The following AK6 variants were observed in gnomAD, a reference collection of about 807,000 sequenced individuals.
AK6 encodes the protein adenylate kinase isoenzyme 6.
In AK6, 24 loss-of-function variants were observed where a neutral mutation model predicts 23.7. The observed-to-expected ratio is 1.01, with a 90% CI of 0.73 to 1.43. AK6 has a LOEUF of 1.43. AK6 is among the 40% of genes most tolerant of loss of function. AK6 has a pLI of 0.00. For synonymous variants in AK6, 73 were observed against 69.8 expected (o/e 1.05, Z -0.23); for missense variants, 191 against 199.1 (o/e 0.96, Z 0.24).
intron 2 of AK6, among the ~76,000 whole-genome samples, chr5:69,360,547 A>T (rs534894786): frequency 6.6e-6 from 1 of 152,326 alleles, no homozygotes; most frequent in South Asian, 2.1e-4. Context: ...CATCAGCACA[A>T]GGGAGTGAAT....
At chr5:69,358,672 G>T (rs191127134) in intron 2 of AK6, among the ~76,000 whole-genome samples, 1 of 152,098 alleles carries the variant, frequency 6.6e-6, no homozygotes, top group African/African-American at 2.4e-5. Context: ...GGTAAGTGAT[G>T]ATTGTAGCCT....
chr5:69,366,669 CCTTTT>C (rs1215486287), intron 1 of AK6, 74 bp from the exon 2 acceptor site: 12 of 1,124,112 alleles, frequency 1.1e-5, no homozygotes, highest in South Asian at 3.7e-5. Context: ...TTCTGCCTTT[CCTTTT>C]ATTTTTGAGA....
intron 2 of AK6, among the ~76,000 whole-genome samples, chr5:69,358,701 G>T (rs1336961817): frequency 6.6e-6 from 1 of 151,768 alleles, no homozygotes; most frequent in African/African-American, 2.4e-5. Flanking sequence ...GAAATGAACG[G>T]ATCCTAAACT....
chr5:69,368,771 T>TA (rs1452460791), intron 1 of AK6: 1 of 152,118 alleles, frequency 6.6e-6, no homozygotes, highest in East Asian at 1.9e-4. Context: ...CTAGCAAAAA[T>TA]ATTCGTTAAA....
At chr5:69,354,611 G>A (rs557156986) in intron 4 of AK6, among the ~76,000 whole-genome samples, 27 of 152,236 alleles carry the variant, frequency 1.8e-4, no homozygotes, top group South Asian at 6.2e-4. Flanking sequence ...TGGTTCTTCC[G>A]CATTAAATCT....
chr5:69,365,248 T>C (rs201579031), intron 2 of AK6: 1 of 1,614,222 alleles, frequency 6.2e-7, no homozygotes, highest in Non-Finnish European at 8.5e-7. Context: ...GGGGTTGGTG[T>C]GCCTAGTGTG....
At chr5:69,369,764 G>A (rs1762801936), upstream of AK6, 2 of 1,470,368 alleles carry the variant, frequency 1.4e-6, no homozygotes, top group Admixed American at 4.0e-5. Context: ...ACACTCCTTC[G>A]GTGGTCCCCG....
chr5:69,357,348 A>G (rs1213323530), intron 2 of AK6, among the ~76,000 whole-genome samples: 1 of 152,246 alleles, frequency 6.6e-6, no homozygotes, highest in Admixed American at 6.5e-5. Context: ...CTTGGTATGA[A>G]GAAAACTGGT....
chr5:69,356,960 T>G (rs1762098870), intron 2 of AK6, among the ~76,000 whole-genome samples: 1 of 152,160 alleles, frequency 6.6e-6, no homozygotes, highest in Non-Finnish European at 1.5e-5. Context: ...AGGTAAGACA[T>G]ACCATCTTAC....
At chr5:69,358,882 G>A (rs1239865876) in intron 2 of AK6, among the ~76,000 whole-genome samples, 1 of 152,086 alleles carries the variant, frequency 6.6e-6, no homozygotes, top group African/African-American at 2.4e-5. Flanking sequence ...ACAAAGTTTT[G>A]CAGTTTATTT....
chr5:69,359,698 G>C lies in AK6; in HGVS notation c.122-3745C>G, dbSNP rs191036194. Among the ~76,000 whole-genome samples, 157 of 152,228 alleles carry C rather than the reference G, an allele frequency of 1.0e-3. 1 individual carries two copies. The highest frequency in any genetic ancestry group is 3.7e-3 in the African/African-American group (154 of 41,542). ...TGTTCTTTAATCATATTGGGATGCT[G>C]GTTGTTTTGACACTGCTGCCAATAC... On this transcript the variant is annotated intron_variant, in intron 2 of 4. Coordinates refer to ENST00000380822, the MANE Select transcript of AK6 (RefSeq NM_016283.5).
chr5:69,369,226 A>AAC, intron 1 of AK6: 2 of 123,114 alleles, frequency 1.6e-5, no homozygotes, highest in South Asian at 3.2e-4. Context: ...ACCTCTCTCC[A>AAC]CCCCCCCCCG....
At chr5:69,366,258 T>C (rs1421671132) in intron 2 of AK6, among the ~76,000 whole-genome samples, 1 of 152,176 alleles carries the variant, frequency 6.6e-6, no homozygotes, top group Non-Finnish European at 1.5e-5. Context: ...TCCAGTCTCT[T>C]TATAGGAGCC....
At chr5:69,366,451 A>C (rs1261332384) in intron 2 of AK6, 52 bp downstream of exon 2, 3 of 1,450,722 alleles carry the variant, frequency 2.1e-6, no homozygotes, top group South Asian at 1.1e-5. Context: ...CACTCCACTT[A>C]CCAGACCTTA....
At chr5:69,358,066 A>G (rs1296536181) in intron 2 of AK6, among the ~76,000 whole-genome samples, 1 of 152,180 alleles carries the variant, frequency 6.6e-6, no homozygotes, top group Admixed American at 6.5e-5. Context: ...TAGAAGAAAA[A>G]CAAAAGCTTT....
intron 2 of AK6, chr5:69,365,109 T>C (rs1762362630): frequency 6.2e-7 from 1 of 1,614,250 alleles, no homozygotes. Context: ...CAGAACATTC[T>C]GAACTGCTGA....
chr5:69,358,884 A>G (rs543148910), intron 2 of AK6, among the ~76,000 whole-genome samples: 30 of 152,272 alleles, frequency 2.0e-4, no homozygotes, highest in Admixed American at 1.5e-3. Flanking sequence ...AAAGTTTTGC[A>G]GTTTATTTTT....
Position 69,366,555 on chromosome 5 carries a change from A to T in AK6, c.69T>A (p.Leu23=), listed in dbSNP as rs566395252. The stretch of plus-strand genomic sequence containing the variant: ...TGTATTTCAGTCCTGATTTTGACGC[A>T]AGTTCTTTGCCTAGTGTGGTTTTTC... ...GVGKTTLGKE[L]ASKSGLKYIN... Residue 23 remains leucine, a synonymous_variant, in exon 2 of 5, where the codon CTT becomes CTA. Transcript: ENST00000380822. The T allele has an allele frequency of 6.2e-7, 1 of 1,614,030 alleles. No individual in the cohort carries two copies. Among genetic ancestry groups the T allele is most frequent in the Admixed American group, 1.7e-5 (1 of 60,012 alleles).
At chr5:69,362,684 T>C (rs538843913) in intron 2 of AK6, among the ~76,000 whole-genome samples, 4 of 151,296 alleles carry the variant, frequency 2.6e-5, no homozygotes, top group African/African-American at 9.7e-5. Flanking sequence ...GAGGCTGGGG[T>C]TGCAGTGAGG....
Sources: allele counts gnomAD v4.1 joint callset (sites outside exome capture counted in the v4.1 genomes callset), GRCh38; gene constraint gnomAD v4.1.1; transcripts MANE v1.5; gene names NCBI Gene and HGNC (gene_info 2026-07-23, HGNC 2026-07-21).